The following SIPA1L1 variants were observed in gnomAD, a reference collection of about 807,000 sequenced individuals.
SIPA1L1 encodes the protein signal-induced proliferation-associated 1-like protein 1.
SIPA1L1 carries 26 observed loss-of-function variants against 162.7 expected under a neutral mutation model. The observed-to-expected ratio is 0.16, with a 90% CI of 0.12 to 0.22. SIPA1L1 has a LOEUF of 0.22. Among genes scored for constraint, SIPA1L1 ranks in the 10% least tolerant of loss-of-function variants. The pLI, the probability that SIPA1L1 is intolerant of heterozygous loss-of-function variation, is 1.00. For missense variants in SIPA1L1, 1,874 were observed against 2,241.0 expected (o/e 0.84, Z 3.31); for synonymous variants, 829 against 837.4 (o/e 0.99, Z 0.17).
At chr14:71,394,304 G>A (rs2141402160) in intron 2 of SIPA1L1, among the ~76,000 whole-genome samples, 1 of 152,216 alleles carries the variant, frequency 6.6e-6, no homozygotes, top group East Asian at 1.9e-4. Context: ...TAATTATACA[G>A]CATTAATTTC....
intron 2 of SIPA1L1, among the ~76,000 whole-genome samples, chr14:71,453,823 A>G (rs1260424483): frequency 5.9e-5 from 9 of 151,822 alleles, no homozygotes; most frequent in Admixed American, 4.6e-4. Context: ...GTGCAACCCT[A>G]TCTCTACTAA....
chr14:71,366,986 A>G (rs149083429), intron 2 of SIPA1L1, among the ~76,000 whole-genome samples: 210 of 152,300 alleles, frequency 1.4e-3, no homozygotes, highest in Non-Finnish European at 2.5e-3. Context: ...AAATAACACA[A>G]AATTATGCAG....
chr14:71,431,641 C>T (rs1187769577), intron 2 of SIPA1L1, among the ~76,000 whole-genome samples: 1 of 152,110 alleles, frequency 6.6e-6, no homozygotes, highest in Non-Finnish European at 1.5e-5. Flanking sequence ...CTGTAGTGAG[C>T]TGTGATTGCA....
chr14:71,330,790 G>A (rs2034439979), intron 2 of SIPA1L1: 2 of 720,848 alleles, frequency 2.8e-6, no homozygotes, highest in African/African-American at 1.7e-5. Context: ...TGTCCCTGAC[G>A]ACCTCAGGCT....
intron 4 of SIPA1L1, among the ~76,000 whole-genome samples, chr14:71,559,910 T>C (rs2056650359): frequency 6.6e-6 from 1 of 152,186 alleles, no homozygotes; most frequent in Non-Finnish European, 1.5e-5. Flanking sequence ...TGAATAATCA[T>C]TGAAAAATAG....
chr14:71,393,807 C>T, intron 2 of SIPA1L1, among the ~76,000 whole-genome samples: 1 of 152,154 alleles, frequency 6.6e-6, no homozygotes, highest in South Asian at 2.1e-4. Flanking sequence ...GGTGATACAG[C>T]AAGACCCCAT....
At chr14:71,709,157 T>C in intron 16 of SIPA1L1, 65 bp from the exon 17 acceptor site, 1 of 1,348,794 alleles carries the variant, frequency 7.4e-7, no homozygotes, top group South Asian at 1.3e-5. Context: ...CACAGTGTCA[T>C]TTCTGTTATT....
intron 4 of SIPA1L1, among the ~76,000 whole-genome samples, chr14:71,570,420 A>G (rs748808525): frequency 6.6e-5 from 10 of 152,106 alleles, no homozygotes; most frequent in Non-Finnish European, 1.3e-4. Context: ...CCACAGGTGA[A>G]CGCCACTACA....
chr14:71,435,239 A>C (rs1307937093), intron 2 of SIPA1L1, among the ~76,000 whole-genome samples: 1 of 151,946 alleles, frequency 6.6e-6, no homozygotes, highest in East Asian at 1.9e-4. Context: ...GGTTTGTTAC[A>C]TATATATACA....
intron 2 of SIPA1L1, among the ~76,000 whole-genome samples, chr14:71,451,632 C>CAAAAAA (rs762968378): frequency 1.8e-5 from 1 of 54,398 alleles, no homozygotes; most frequent in Non-Finnish European, 3.8e-5. Flanking sequence ...GACCTTGTCT[C>CAAAAAA]AAAAAAAAAA....
At chr14:71,599,610 C>T (rs1159863897) in intron 5 of SIPA1L1, among the ~76,000 whole-genome samples, 1 of 151,896 alleles carries the variant, frequency 6.6e-6, no homozygotes, top group African/African-American at 2.4e-5. Context: ...GTGTATGTAT[C>T]CTTTTGATAT....
chr14:71,622,481 G>A (rs2039552224), intron 6 of SIPA1L1, among the ~76,000 whole-genome samples: 1 of 152,178 alleles, frequency 6.6e-6, no homozygotes, highest in South Asian at 2.1e-4. Context: ...GCAATGGCTT[G>A]AATTTGGTCT....
intron 8 of SIPA1L1, among the ~76,000 whole-genome samples, chr14:71,653,780 C>T (rs141637657): frequency 6.6e-5 from 10 of 152,250 alleles, no homozygotes; most frequent in East Asian, 3.9e-4. Context: ...ATATGTATGC[C>T]GTCTCGTTTA....
intron 12 of SIPA1L1, among the ~76,000 whole-genome samples, chr14:71,685,124 C>T (rs891237111): frequency 6.6e-6 from 1 of 152,152 alleles, no homozygotes; most frequent in Non-Finnish European, 1.5e-5. Flanking sequence ...TTTTTAAAGA[C>T]TCCATATCTC....
chr14:71,360,213 GTCT>G (rs1252555624), intron 2 of SIPA1L1, among the ~76,000 whole-genome samples: 4 of 152,192 alleles, frequency 2.6e-5, no homozygotes, highest in Non-Finnish European at 4.4e-5. Flanking sequence ...GCTGATGGTA[GTCT>G]TCTATTGAGT....
intron 2 of SIPA1L1, among the ~76,000 whole-genome samples, chr14:71,506,033 A>T (rs533714157): frequency 6.7e-6 from 1 of 149,514 alleles, no homozygotes; most frequent in African/African-American, 2.4e-5. Flanking sequence ...CATTTTGGAT[A>T]AGGGATACTC....
chr14:71,633,527 T>C (rs995220567), intron 7 of SIPA1L1, among the ~76,000 whole-genome samples: 1 of 152,120 alleles, frequency 6.6e-6, no homozygotes, highest in Non-Finnish European at 1.5e-5. Flanking sequence ...AAATTGAAGG[T>C]ATTAAGGAAC....
Position 71,352,085 on chromosome 14 carries a change from G to A in SIPA1L1, c.-465+30904G>A, listed in dbSNP as rs1312120129. On this transcript the variant is annotated intron_variant, in intron 2 of 23. Transcript: ENST00000381232. The stretch of plus-strand genomic sequence containing the variant: ...GGAAATATTAGAGTGGCCAGAGAAG[G>A]CCTCATTGAAAAGGTGATTTTTTTA... 2.6e-5 allele frequency among the ~76,000 whole-genome samples: 4 copies of A among 151,822 alleles called. No homozygotes were observed. The East Asian group carries it at 7.7e-4, about 29-fold the overall frequency.
chr14:71,630,990 C>T (rs1356998830), intron 7 of SIPA1L1, among the ~76,000 whole-genome samples: 1 of 151,944 alleles, frequency 6.6e-6, no homozygotes, highest in Non-Finnish European at 1.5e-5. Flanking sequence ...GTCATTTATA[C>T]TAGGCATTTC....
Sources: allele counts gnomAD v4.1 joint callset (sites outside exome capture counted in the v4.1 genomes callset), GRCh38; gene constraint gnomAD v4.1.1; transcripts MANE v1.5; gene names NCBI Gene and HGNC (gene_info 2026-07-23, HGNC 2026-07-21).